The following RNF130 variants were observed in gnomAD, a reference collection of about 807,000 sequenced individuals.
RNF130 encodes the protein ring finger protein 130.
In RNF130, 21 loss-of-function variants were observed where a neutral mutation model predicts 44.6. The ratio of observed to expected loss-of-function variants is 0.47; its 90% CI spans 0.33 to 0.68. The LOEUF (loss-of-function observed/expected upper bound fraction) is 0.68, where lower values mean the gene tolerates loss of function less well. RNF130 is among the 30% of genes least tolerant of loss of function. RNF130 has a pLI of 0.02. For synonymous variants in RNF130, 214 were observed against 210.4 expected (o/e 1.02, Z -0.15); for missense variants, 479 against 560.6 (o/e 0.85, Z 1.47).
At chr5:179,994,331 T>C (rs1439681159) in intron 3 of RNF130, among the ~76,000 whole-genome samples, 2 of 152,248 alleles carry the variant, frequency 1.3e-5, no homozygotes, top group African/African-American at 2.4e-5. Flanking sequence ...ATATTGATTC[T>C]TCCTATCCAT....
intron 2 of RNF130, among the ~76,000 whole-genome samples, chr5:180,037,085 T>C (rs1012453931): frequency 6.6e-6 from 1 of 152,254 alleles, no homozygotes; most frequent in African/African-American, 2.4e-5. Flanking sequence ...GGAGACTTAT[T>C]CATGTAAATA....
chr5:180,040,154 C>A (rs771099126), intron 2 of RNF130, among the ~76,000 whole-genome samples: 54 of 152,228 alleles, frequency 3.5e-4, no homozygotes, highest in Non-Finnish European at 5.6e-4. Context: ...GCGAATGATT[C>A]CAAATCAAAT....
At chr5:180,043,462 G>A (rs1199247074) in intron 1 of RNF130, among the ~76,000 whole-genome samples, 2 of 151,852 alleles carry the variant, frequency 1.3e-5, no homozygotes, top group Non-Finnish European at 2.9e-5. Context: ...CAAAATATGT[G>A]AGCTACCCCA....
intron 3 of RNF130, among the ~76,000 whole-genome samples, chr5:180,010,125 T>C (rs867711606): frequency 6.6e-6 from 1 of 151,540 alleles, no homozygotes; most frequent in Non-Finnish European, 1.5e-5. Flanking sequence ...CAGGCACCTG[T>C]AGTCCCAGCT....
chr5:179,942,629 G>A (rs1399129502), intron 7 of RNF130, among the ~76,000 whole-genome samples: 1 of 152,168 alleles, frequency 6.6e-6, no homozygotes, highest in African/African-American at 2.4e-5. Context: ...ATTCTATACA[G>A]CAAAGCCATT....
At chr5:180,021,603 T>A (rs1380297355) in intron 2 of RNF130, among the ~76,000 whole-genome samples, 2 of 152,026 alleles carry the variant, frequency 1.3e-5, no homozygotes, top group East Asian at 3.9e-4. Flanking sequence ...GAGTCCCAAA[T>A]CATTCATTTA....
intron 1 of RNF130, among the ~76,000 whole-genome samples, chr5:180,062,122 T>C (rs1191495823): frequency 2.7e-5 from 4 of 150,080 alleles, no homozygotes; most frequent in African/African-American, 9.8e-5. Context: ...TGGCACGACC[T>C]TGGCTCACTG....
intron 2 of RNF130, chr5:180,015,348 A>G (rs1318727231): frequency 1.9e-6 from 1 of 533,874 alleles, no homozygotes. Flanking sequence ...GGATCCCACA[A>G]ACGACATATG....
At chr5:179,985,378 A>G (rs1041304712) in intron 3 of RNF130, among the ~76,000 whole-genome samples, 4 of 152,074 alleles carry the variant, frequency 2.6e-5, no homozygotes, top group Admixed American at 1.3e-4. Context: ...TCTATTCTAC[A>G]GCATTAAATG....
chr5:179,972,125 C>G lies in RNF130; in HGVS notation c.849-1619G>C, dbSNP rs75683123. ...CGTTATGTCTTGTTACTCGTAGCCT[C>G]TGTGTGTGGAGTGGTTCCTTACTCC... On this transcript the variant is annotated intron_variant, in intron 5 of 8. Coordinates refer to ENST00000521389, the MANE Select transcript of RNF130 (RefSeq NM_018434.6). Among the ~76,000 whole-genome samples, 1,375 of 152,286 alleles carry G rather than the reference C, an allele frequency of 9.0e-3. 19 individuals are homozygous for G. The highest frequency in any genetic ancestry group is 0.026 in the African/African-American group (1,060 of 41,552).
chr5:180,062,303 A>C (rs1180717571), intron 1 of RNF130, among the ~76,000 whole-genome samples: 1 of 151,442 alleles, frequency 6.6e-6, no homozygotes, highest in Non-Finnish European at 1.5e-5. Flanking sequence ...CTCGTGATCC[A>C]CCTGCCTCTG....
At chr5:179,918,617 G>A (rs1761584943) in exon 8 of RNF130, 1 of 152,112 alleles carries the variant, frequency 6.6e-6, no homozygotes, top group African/African-American at 2.4e-5. Flanking sequence ...TCTGAACGAT[G>A]CTATATTGAA....
In RNF130 at chr5:180,057,307, G is replaced by A. The variant is rs559989454; in HGVS notation, c.247+14149C>T. ...CTCACGCCTGTAATCCCAGCACTTT[G>A]GGAGGCCGAGGCGGGAGGATCACCC... On this transcript the variant is annotated intron_variant, in intron 1 of 8. Coordinates refer to ENST00000521389, the MANE Select transcript of RNF130 (RefSeq NM_018434.6). Among the ~76,000 whole-genome samples, 264 of 152,360 alleles carry A rather than the reference G, an allele frequency of 1.7e-3. 2 individuals are homozygous for A. Among genetic ancestry groups the A allele is most frequent in the African/African-American group, 5.9e-3 (247 of 41,600 alleles).
At chr5:179,982,963 T>A (rs1762870919) in intron 3 of RNF130, among the ~76,000 whole-genome samples, 1 of 152,194 alleles carries the variant, frequency 6.6e-6, no homozygotes, top group African/African-American at 2.4e-5. Context: ...ATGTGTACAT[T>A]GTCTGTGGTG....
At chr5:180,024,570 A>T (rs1763946503) in intron 2 of RNF130, among the ~76,000 whole-genome samples, 1 of 152,204 alleles carries the variant, frequency 6.6e-6, no homozygotes, top group Non-Finnish European at 1.5e-5. Flanking sequence ...CAACACAAAA[A>T]TTTATACCTG....
rs894077264 is a variant in RNF130, at chr5:180,022,060, C to T, written c.443-8749G>A. 2.6e-5 allele frequency among the ~76,000 whole-genome samples: 4 copies of T among 152,188 alleles called. No homozygotes were observed. The South Asian group carries it at 6.2e-4, about 24-fold the overall frequency. On this transcript the variant is annotated intron_variant, in intron 2 of 8. Transcript: ENST00000521389. Reference sequence around the variant, plus strand: ...CTGTGGCTAGATTCAGGTCAGGTGCCGCTGGCAGTAACAACACGGAGGTGA... The same window carrying T: ...CTGTGGCTAGATTCAGGTCAGGTGCTGCTGGCAGTAACAACACGGAGGTGA...
intron 3 of RNF130, among the ~76,000 whole-genome samples, chr5:179,999,002 A>T (rs1763271257): frequency 6.7e-6 from 1 of 148,322 alleles, no homozygotes; most frequent in Non-Finnish European, 1.5e-5. Flanking sequence ...TTTATTTTTC[A>T]ATATTTTATT....
chr5:180,064,010 G>A (rs1002317326), intron 1 of RNF130, among the ~76,000 whole-genome samples: 3 of 152,136 alleles, frequency 2.0e-5, no homozygotes, highest in African/African-American at 4.8e-5. Context: ...TTCCATTACC[G>A]CTGAGAGCCT....
chr5:180,069,470 T>G (rs751895935), intron 1 of RNF130, among the ~76,000 whole-genome samples: 1 of 146,556 alleles, frequency 6.8e-6, no homozygotes, highest in Non-Finnish European at 1.5e-5. Flanking sequence ...GAATGACCCC[T>G]AGGGAATCAA....
Sources: gnomAD v4.1 joint callset for allele counts (sites outside exome capture counted in the v4.1 genomes callset) on GRCh38, gnomAD v4.1.1 for gene constraint, MANE v1.5 for transcripts, NCBI Gene and HGNC (gene_info 2026-07-23, HGNC 2026-07-21) for gene names.